The following MDGA2 variants were observed in gnomAD, a reference collection of about 807,000 sequenced individuals.
MDGA2 encodes MAM domain containing glycosylphosphatidylinositol anchor 2, also known as MAM domain-containing glycosylphosphatidylinositol anchor protein 2.
A neutral mutation model predicts 117.8 loss-of-function variants in MDGA2; 40 were observed. That is an observed-to-expected ratio of 0.34 (90% CI 0.26 to 0.44). MDGA2 has a LOEUF of 0.44. Ranked by LOEUF, MDGA2 falls within the 20% of genes least tolerant of loss-of-function variation. The pLI is 1.00. For synonymous variants in MDGA2, 452 were observed against 439.0 expected (o/e 1.03, Z -0.37); for missense variants, 1,123 against 1,250.6 (o/e 0.90, Z 1.54).
chr14:47,165,003 G>GA (rs1207008997), intron 3 of MDGA2, among the ~76,000 whole-genome samples: 1 of 151,736 alleles, frequency 6.6e-6, no homozygotes, highest in African/African-American at 2.4e-5. Flanking sequence ...TTGCAAGGAC[G>GA]AAAAACCAAA....
intron 9 of MDGA2, among the ~76,000 whole-genome samples, chr14:46,953,657 C>T (rs1023969375): frequency 6.6e-6 from 1 of 151,840 alleles, no homozygotes; most frequent in Non-Finnish European, 1.5e-5. Context: ...AAATATTAGT[C>T]TCCCGATGCC....
At chr14:47,228,814 C>T (rs186372372) in intron 2 of MDGA2, among the ~76,000 whole-genome samples, 39 of 152,228 alleles carry the variant, frequency 2.6e-4, no homozygotes, top group Admixed American at 6.5e-5. Flanking sequence ...TGGAGTCACA[C>T]AGGATATGTT....
At chr14:46,849,060 TAGC>T (rs1385103815) in intron 15 of MDGA2, among the ~76,000 whole-genome samples, 1 of 152,044 alleles carries the variant, frequency 6.6e-6, no homozygotes, top group Non-Finnish European at 1.5e-5. Context: ...TCTTTAAGCA[TAGC>T]AGGAATTTTA....
chr14:47,407,838 T>C (rs1359987845), intron 1 of MDGA2, among the ~76,000 whole-genome samples: 2 of 152,150 alleles, frequency 1.3e-5, no homozygotes, highest in Non-Finnish European at 2.9e-5. Flanking sequence ...CCGAATACAT[T>C]AGTTAAACAA....
intron 1 of MDGA2, among the ~76,000 whole-genome samples, chr14:47,482,486 C>A (rs1176793006): frequency 6.6e-5 from 10 of 152,086 alleles, no homozygotes; most frequent in Admixed American, 6.6e-4. Context: ...CGGGCTTCAG[C>A]TGCCTCATTC....
chr14:47,142,588 C>T (rs1325761226), intron 4 of MDGA2, among the ~76,000 whole-genome samples: 3 of 151,968 alleles, frequency 2.0e-5, no homozygotes, highest in Admixed American at 6.6e-5. Context: ...ATCTTAATGT[C>T]CATATTTTAA....
intron 1 of MDGA2, among the ~76,000 whole-genome samples, chr14:47,654,617 A>C (rs1028563227): frequency 6.6e-6 from 1 of 152,106 alleles, no homozygotes; most frequent in Non-Finnish European, 1.5e-5. Context: ...ATGGAACATA[A>C]AGTTGAATAA....
intron 5 of MDGA2, among the ~76,000 whole-genome samples, chr14:47,097,425 T>C (rs1880039778): frequency 6.6e-6 from 1 of 152,020 alleles, no homozygotes; most frequent in Non-Finnish European, 1.5e-5. Context: ...TAAAACAAAA[T>C]ATCCCTTTCT....
chr14:47,194,582 G>A (rs1196021352), intron 3 of MDGA2, among the ~76,000 whole-genome samples: 1 of 152,054 alleles, frequency 6.6e-6, no homozygotes, highest in African/African-American at 2.4e-5. Context: ...ACAGTTTCAA[G>A]ATAAGCACTT....
rs537176019 is a variant in MDGA2, at chr14:47,405,298, C to T, written c.281-103748G>A. Reference sequence around the variant, plus strand: ...AGCCATACCCTCATTTTATGTTTTTCTCTTGGCTCTCTCCTGATGAATATA... The same window carrying T: ...AGCCATACCCTCATTTTATGTTTTTTTCTTGGCTCTCTCCTGATGAATATA... On this transcript the variant is annotated intron_variant, in intron 1 of 16. Coordinates refer to ENST00000399232, the MANE Select transcript of MDGA2 (RefSeq NM_001113498.3). Among the ~76,000 whole-genome samples the T allele has an allele frequency of 2.0e-5, 3 of 152,160 alleles. No individual in the cohort carries two copies. The East Asian group carries it at 5.8e-4, about 29-fold the overall frequency.
chr14:47,222,316 A>G lies in MDGA2; in HGVS notation c.421-4121T>C, dbSNP rs113211963. ...TATTTATATATAATAAGATTAAATT[A>G]ATAATAAATTTGCAGTTAAAAACTA... is the stretch of plus-strand genomic sequence containing the variant. On this transcript the variant is annotated intron_variant, in intron 2 of 16. Transcript: ENST00000399232. Among the ~76,000 whole-genome samples the G allele has an allele frequency of 2.6e-5, 4 of 152,076 alleles. 1 individual carries two copies. The highest frequency in any genetic ancestry group is 9.6e-5 in the African/African-American group (4 of 41,536).
intron 1 of MDGA2, among the ~76,000 whole-genome samples, chr14:47,359,645 G>GAAAAAA (rs1891070763): frequency 6.9e-6 from 1 of 143,934 alleles, no homozygotes; most frequent in African/African-American, 2.6e-5. Flanking sequence ...AAGCTACTCT[G>GAAAAAA]GAGGCTGAGG....
chr14:47,116,498 T>C (rs1881337919), intron 5 of MDGA2, among the ~76,000 whole-genome samples: 1 of 152,096 alleles, frequency 6.6e-6, no homozygotes, highest in Non-Finnish European at 1.5e-5. Flanking sequence ...GCACACTAGC[T>C]GATTTCAAAC....
chr14:47,274,052 G>A (rs1219624606), intron 2 of MDGA2, among the ~76,000 whole-genome samples: 2 of 152,012 alleles, frequency 1.3e-5, no homozygotes, highest in Non-Finnish European at 2.9e-5. Flanking sequence ...CGGCTTCACT[G>A]CAATCACTAC....
At chr14:47,293,068 C>A (rs1445865435) in intron 2 of MDGA2, among the ~76,000 whole-genome samples, 1 of 152,138 alleles carries the variant, frequency 6.6e-6, no homozygotes, top group South Asian at 2.1e-4. Flanking sequence ...TCTCCTACTA[C>A]ACCCTGGGAT....
At chr14:47,363,077 A>G (rs988466502) in intron 1 of MDGA2, among the ~76,000 whole-genome samples, 1 of 152,084 alleles carries the variant, frequency 6.6e-6, no homozygotes, top group African/African-American at 2.4e-5. Flanking sequence ...GAAGATATTA[A>G]TGTCTCTGTT....
intron 1 of MDGA2, among the ~76,000 whole-genome samples, chr14:47,328,233 C>T (rs1890198283): frequency 6.6e-6 from 1 of 152,028 alleles, no homozygotes; most frequent in South Asian, 2.1e-4. Context: ...CACTGGAAGA[C>T]AAATGTGGAT....
Position 47,378,464 on chromosome 14 carries a change from C to T in MDGA2, c.281-76914G>A, listed in dbSNP as rs560009089. 2.6e-5 allele frequency among the ~76,000 whole-genome samples: 4 copies of T among 152,136 alleles called. No individual in the cohort carries two copies. The South Asian group carries it at 8.3e-4, about 32-fold the overall frequency. On this transcript the variant is annotated intron_variant, in intron 1 of 16. Transcript: ENST00000399232. ...AACCCATCGCAAAGAAGCTAAAAAC[C>T]TTGAAAAAAGATTAGATGAATGGCT...
rs1445391614 is a variant in MDGA2 at position 47,346,101 on chromosome 14, A to G, written c.281-44551T>C. ...TAGAAGGATGATATTGAATGTTCCC[A>G]ACACAAAGAAATAATGAATGTATAA... On this transcript the variant is annotated intron_variant, in intron 1 of 16. Coordinates refer to ENST00000399232, the MANE Select transcript of MDGA2 (RefSeq NM_001113498.3). Among the ~76,000 whole-genome samples, 4 of 152,150 alleles carry G rather than the reference A, an allele frequency of 2.6e-5. No homozygotes were observed. In the East Asian group the frequency reaches 7.7e-4, roughly 29 times the overall value.
Sources: gnomAD v4.1 joint callset for allele counts (sites outside exome capture counted in the v4.1 genomes callset) on GRCh38, gnomAD v4.1.1 for gene constraint, MANE v1.5 for transcripts, NCBI Gene and HGNC (gene_info 2026-07-23, HGNC 2026-07-21) for gene names.